FOXN3: variants seen among roughly 807,000 people sequenced by gnomAD.
FOXN3 encodes the protein forkhead box N3, also known as forkhead box protein N3.
A neutral mutation model predicts 38.4 loss-of-function variants in FOXN3; 7 were observed. The observed-to-expected ratio is 0.18, with a 90% confidence interval of 0.10 to 0.34. The LOEUF (loss-of-function observed/expected upper bound fraction) is 0.34, where lower values mean the gene tolerates loss of function less well. FOXN3 is among the 10% of genes least tolerant of loss of function. The probability of loss-of-function intolerance (pLI) is 1.00; values close to 1 mark genes in which losing one functional copy is unlikely to be tolerated. For synonymous variants in FOXN3, 230 were observed against 242.2 expected, an observed-to-expected ratio of 0.95 and a Z score of 0.47; for missense variants, 456 against 613.4, an observed-to-expected ratio of 0.74 and a Z score of 2.71.
At chr14:89,395,606 C>T (rs1396794057) in intron 2 of FOXN3, among the ~76,000 whole-genome samples, 1 of 152,150 alleles carries the variant, frequency 6.6e-6, no homozygotes, top group East Asian at 1.9e-4. Context: ...TGGACAGAAA[C>T]TATACCTTCA....
At chr14:89,215,347 A>ATT (rs10640376) in intron 4 of FOXN3, among the ~76,000 whole-genome samples, 38,098 of 148,776 alleles carry the variant, frequency 0.26, 5,307 homozygotes, top group African/African-American at 0.38. Context: ...GAGAATAGAG[A>ATT]TTTTTTTTTT....
At chr14:89,459,160 AAAG>A (rs953970257) in intron 1 of FOXN3, among the ~76,000 whole-genome samples, 22 of 150,672 alleles carry the variant, frequency 1.5e-4, no homozygotes, top group South Asian at 4.1e-4. Flanking sequence ...ATCAGGAAAA[AAAG>A]AAGAAGAAGA....
chr14:89,231,711 C>T (rs748490755), intron 4 of FOXN3, among the ~76,000 whole-genome samples: 25 of 152,216 alleles, frequency 1.6e-4, no homozygotes, highest in Non-Finnish European at 2.6e-4. Context: ...ATGGTACAGC[C>T]GCTCCATGCA....
At chr14:89,273,386 C>A (rs376370801) in intron 4 of FOXN3, among the ~76,000 whole-genome samples, 63 of 152,290 alleles carry the variant, frequency 4.1e-4, no homozygotes, top group African/African-American at 1.4e-3. Context: ...CACAAAACTG[C>A]CATTTTCTCA....
chr14:89,344,639 T>C (rs1295967585), intron 3 of FOXN3, among the ~76,000 whole-genome samples: 1 of 152,214 alleles, frequency 6.6e-6, no homozygotes, highest in Admixed American at 6.5e-5. Flanking sequence ...AGGGTGTTAA[T>C]GTAGTGTTAC....
chr14:89,511,222 TCTTTCTTTTCTTTC>T (rs1207350581), intron 1 of FOXN3, among the ~76,000 whole-genome samples: 953 of 30,908 alleles, frequency 0.031, 252 homozygotes, highest in African/African-American at 0.05. Context: ...TTTCTTTCTT[TCTTTCTTTTCTTTC>T]CTTTTCTTTC....
intron 1 of FOXN3, among the ~76,000 whole-genome samples, chr14:89,432,870 G>A (rs1309846098): frequency 1.3e-5 from 2 of 152,124 alleles, no homozygotes; most frequent in Non-Finnish European, 2.9e-5. Context: ...ATGGGGCAGA[G>A]GGGTCTCACT....
chr14:89,360,671 C>A (rs542549466), intron 2 of FOXN3, among the ~76,000 whole-genome samples: 2 of 151,804 alleles, frequency 1.3e-5, no homozygotes, highest in South Asian at 4.2e-4. Flanking sequence ...CAGGTTCCCC[C>A]ATGTTTCCAC....
intron 4 of FOXN3, among the ~76,000 whole-genome samples, chr14:89,275,589 A>G (rs1453034190): frequency 1.3e-5 from 2 of 152,198 alleles, no homozygotes; most frequent in African/African-American, 4.8e-5. Context: ...ATGGCATGAA[A>G]GACAACCAAG....
intron 3 of FOXN3, among the ~76,000 whole-genome samples, chr14:89,327,848 G>A (rs988886648): frequency 1.3e-5 from 2 of 152,178 alleles, no homozygotes; most frequent in African/African-American, 2.4e-5. Context: ...CAGAAGGAAC[G>A]TTAGAGATGA....
chr14:89,429,281 T>G (rs1032116515), intron 1 of FOXN3, among the ~76,000 whole-genome samples: 4 of 152,184 alleles, frequency 2.6e-5, no homozygotes, highest in Non-Finnish European at 5.9e-5. Context: ...ACACTGATAC[T>G]CAGAATTGAA....
At chr14:89,595,966 T>A (rs1896048922) in intron 1 of FOXN3, among the ~76,000 whole-genome samples, 1 of 152,196 alleles carries the variant, frequency 6.6e-6, no homozygotes, top group African/African-American at 2.4e-5. Flanking sequence ...TGATCATGAT[T>A]TTTTCCCTTT....
At chr14:89,170,092 T>C (rs1887348902) in intron 5 of FOXN3, among the ~76,000 whole-genome samples, 1 of 152,194 alleles carries the variant, frequency 6.6e-6, no homozygotes, top group East Asian at 1.9e-4. Context: ...ATCAGATAGA[T>C]TTCAAGGCAA....
chr14:89,509,101 AC>A (rs1894005508), intron 1 of FOXN3, among the ~76,000 whole-genome samples: 1 of 150,262 alleles, frequency 6.7e-6, no homozygotes. Context: ...TGTTCCACCC[AC>A]CCTGACCTCC....
intron 1 of FOXN3, among the ~76,000 whole-genome samples, chr14:89,578,012 C>T (rs1016113493): frequency 2.0e-5 from 3 of 152,168 alleles, no homozygotes; most frequent in Non-Finnish European, 2.9e-5. Context: ...TGCAACCTAG[C>T]AAATGCATGC....
intron 2 of FOXN3, among the ~76,000 whole-genome samples, chr14:89,360,181 C>T (rs1889406102): frequency 6.6e-6 from 1 of 152,110 alleles, no homozygotes; most frequent in Admixed American, 6.5e-5. Flanking sequence ...CCCTCCCCTC[C>T]CGCCAAAACT....
At chr14:89,403,798 AG>A (rs1891312270) in intron 2 of FOXN3, among the ~76,000 whole-genome samples, 1 of 152,356 alleles carries the variant, frequency 6.6e-6, no homozygotes, top group Non-Finnish European at 1.5e-5. Context: ...CTTTCCCAGC[AG>A]CCTCAGACAG....
At chr14:89,371,153 G>C (rs1890308025) in intron 2 of FOXN3, among the ~76,000 whole-genome samples, 1 of 152,112 alleles carries the variant, frequency 6.6e-6, no homozygotes. Flanking sequence ...GCACCCAAGA[G>C]TCACCAGGGT....
At chr14:89,182,694 T>C (rs963910347) in intron 4 of FOXN3, among the ~76,000 whole-genome samples, 8 of 152,244 alleles carry the variant, frequency 5.3e-5, no homozygotes, top group Non-Finnish European at 4.4e-5. Context: ...AAAGTTTATA[T>C]TACCTAATTT....
Sources: allele counts gnomAD v4.1 joint callset (sites outside exome capture counted in the v4.1 genomes callset), GRCh38; gene constraint gnomAD v4.1.1; transcripts MANE v1.5; gene names NCBI Gene and HGNC (gene_info 2026-07-23, HGNC 2026-07-21).